The following CDC16 variants were observed in gnomAD, a reference collection of about 807,000 sequenced individuals.
CDC16 encodes the protein cell division cycle protein 16 homolog.
In CDC16, 34 loss-of-function variants were observed where a neutral mutation model predicts 87.0. The ratio of observed to expected loss-of-function variants is 0.39; its 90% CI spans 0.30 to 0.52. The LOEUF (loss-of-function observed/expected upper bound fraction) is 0.52. Ranked by LOEUF, CDC16 falls within the 20% of genes least tolerant of loss-of-function variation. The pLI, the probability that CDC16 is intolerant of heterozygous loss-of-function variation, is 0.74. For missense variants in CDC16, 653 were observed against 751.9 expected, an observed-to-expected ratio of 0.87 and a Z score of 1.54; for synonymous variants, 263 against 260.6, an observed-to-expected ratio of 1.01 and a Z score of -0.09.
chr13:114,245,946 C>T, intron 9 of CDC16, 54 bp from the exon 10 acceptor site: 2 of 943,616 alleles, frequency 2.1e-6, no homozygotes, highest in Admixed American at 4.7e-5. Flanking sequence ...GAAATCATGT[C>T]TTAAATTACA....
intron 10 of CDC16, 76 bp from the exon 11 acceptor site, chr13:114,246,855 T>C: frequency 1.1e-6 from 1 of 871,236 alleles, no homozygotes; most frequent in African/African-American, 1.6e-5. Context: ...ACCCTCTGTC[T>C]ACCCTAATTT....
At chr13:114,260,350 A>C (rs530172304) in intron 14 of CDC16, among the ~76,000 whole-genome samples, 1 of 152,322 alleles carries the variant, frequency 6.6e-6, no homozygotes, top group East Asian at 1.9e-4. Context: ...AGTTCTGGAT[A>C]ATCCAAGTGT....
chr13:114,244,892 T>G lies in CDC16; in HGVS notation c.770T>G (p.Val257Gly). The G allele has an allele frequency of 6.2e-7, 1 of 1,607,996 alleles. No homozygotes were observed. Among genetic ancestry groups the G allele is most frequent in the African/African-American group, 1.3e-5 (1 of 74,762 alleles). Reference protein sequence around the residue: ...FKMCYKLTSVVMEKDPFHASC... With the variant: ...FKMCYKLTSVGMEKDPFHASC... Reference sequence around the variant, plus strand: ...TAATGTGTCGCTTTAACTTTCAGAGTAATGGAGAAAGATCCTTTCCATGCA... The same window carrying G: ...TAATGTGTCGCTTTAACTTTCAGAGGAATGGAGAAAGATCCTTTCCATGCA... The change falls in exon 9 of 18, where the codon GTA (valine) becomes GGA (glycine). Residue 257 changes from valine (V) to glycine (G), a missense_variant and splice_region_variant. Physicochemically the swap from Val to Gly is moderately radical, Grantham distance 109 (BLOSUM62 -3). Coordinates refer to ENST00000356221, the MANE Select transcript of CDC16 (RefSeq NM_001078645.3).
At chr13:114,250,751 T>G in intron 12 of CDC16, 77 bp downstream of exon 12, 1 of 1,397,554 alleles carries the variant, frequency 7.2e-7, no homozygotes, top group Non-Finnish European at 9.9e-7. Context: ...TTACTATTAC[T>G]GCTATTTGGT....
chr13:114,268,581 A>G (rs888187191), intron 17 of CDC16, among the ~76,000 whole-genome samples: 2 of 152,180 alleles, frequency 1.3e-5, no homozygotes, highest in African/African-American at 4.8e-5. Context: ...ACTGTGACCA[A>G]TCAGAGGCTG....
At chr13:114,268,654 C>T (rs1343387033) in intron 17 of CDC16, among the ~76,000 whole-genome samples, 1 of 152,126 alleles carries the variant, frequency 6.6e-6, no homozygotes, top group Non-Finnish European at 1.5e-5. Context: ...TAAAGGCCCT[C>T]AGGGAAATGA....
Position 114,251,474 on chromosome 13 carries a change from A to G in CDC16, c.1097+800A>G, listed in dbSNP as rs17291327. Reference sequence around the variant, plus strand: ...GAAAGTTAGCTACTTGTGTTTATTTACTTGTATGCAGGGGTGGAATCATAT... The same window carrying G: ...GAAAGTTAGCTACTTGTGTTTATTTGCTTGTATGCAGGGGTGGAATCATAT... On this transcript the variant is annotated intron_variant, in intron 12 of 17. Transcript: ENST00000356221. Among the ~76,000 whole-genome samples the G allele has an allele frequency of 2.1e-3, 321 of 152,298 alleles. 3 individuals are homozygous for G. Among genetic ancestry groups the G allele is most frequent in the African/African-American group, 7.4e-3 (306 of 41,516 alleles).
chr13:114,237,729 C>T (rs927612132), intron 3 of CDC16, among the ~76,000 whole-genome samples: 6 of 152,306 alleles, frequency 3.9e-5, no homozygotes, highest in Middle Eastern at 3.4e-3. Flanking sequence ...TATTCCTCTT[C>T]CTCCCCACTC....
chr13:114,246,874 T>G, intron 10 of CDC16, 57 bp from the exon 11 acceptor site: 1 of 1,058,366 alleles, frequency 9.4e-7, no homozygotes, highest in South Asian at 1.3e-5. Flanking sequence ...TTGTTGCAGA[T>G]TCCAATTAGA....
intron 17 of CDC16, among the ~76,000 whole-genome samples, chr13:114,270,841 G>A (rs1484797028): frequency 6.6e-6 from 1 of 151,982 alleles, no homozygotes; most frequent in Non-Finnish European, 1.5e-5. Context: ...AAGTTCATAG[G>A]AAGCTAAATA....
intron 14 of CDC16, among the ~76,000 whole-genome samples, chr13:114,260,909 G>A (rs2082813672): frequency 6.6e-6 from 1 of 152,068 alleles, no homozygotes; most frequent in Non-Finnish European, 1.5e-5. Context: ...CCATGCCATA[G>A]GCTCTGAGCT....
chr13:114,261,435 G>A lies in CDC16; in HGVS notation c.1315-452G>A, dbSNP rs192950023. On this transcript the variant is annotated intron_variant, in intron 14 of 17. Transcript: ENST00000356221. ...CCAGCCCTGGTGTGCCTCATGGAAG[G>A]GTCAGAGGGGGTGGGGGTGCCATTC... 1.1e-3 allele frequency among the ~76,000 whole-genome samples: 160 copies of A among 152,140 alleles called. 1 individual carries two copies. The highest frequency in any genetic ancestry group is 3.7e-3 in the African/African-American group (155 of 41,520).
chr13:114,252,142 G>A (rs2082225257), intron 12 of CDC16, among the ~76,000 whole-genome samples: 1 of 144,376 alleles, frequency 6.9e-6, no homozygotes, highest in African/African-American at 2.6e-5. Context: ...CACTAGCCCT[G>A]TTGGATAAGA....
chr13:114,258,589 A>G (rs934721146), intron 13 of CDC16, among the ~76,000 whole-genome samples: 3 of 152,238 alleles, frequency 2.0e-5, no homozygotes, highest in African/African-American at 7.2e-5. Flanking sequence ...AGCAGGCATC[A>G]GTATTTATAG....
At chr13:114,236,106 G>C (rs1257845125) in intron 1 of CDC16, among the ~76,000 whole-genome samples, 1 of 152,128 alleles carries the variant, frequency 6.6e-6, no homozygotes, top group African/African-American at 2.4e-5. Context: ...CCTCATTGTC[G>C]GCTCCTTCAT....
Position 114,265,005 on chromosome 13 carries a change from C to A in CDC16, c.1513-145C>A. 7.9e-6 allele frequency: 5 copies of A among 636,694 alleles called. No homozygotes were observed. In the South Asian group the frequency reaches 8.8e-5, roughly 11 times the overall value. The allele number at this position is 636,694 out of a possible 1,614,324, so 39.4% of individuals were successfully genotyped here. ...CTCCATGACCCATAACCAACTTCAA[C>A]AATCTTTGGTTCATGGCCAGTCATG... On this transcript the variant is annotated intron_variant, in intron 16 of 17. Coordinates refer to ENST00000356221, the MANE Select transcript of CDC16 (RefSeq NM_001078645.3).
intron 12 of CDC16, among the ~76,000 whole-genome samples, chr13:114,251,892 G>C (rs185551557): frequency 6.6e-5 from 10 of 151,796 alleles, no homozygotes; most frequent in African/African-American, 2.2e-4. Flanking sequence ...AACCTTACAC[G>C]AACCCTATTG....
intron 13 of CDC16, among the ~76,000 whole-genome samples, chr13:114,258,767 T>C (rs1462002143): frequency 6.6e-6 from 1 of 152,178 alleles, no homozygotes; most frequent in African/African-American, 2.4e-5. Context: ...CGCGGTTCAA[T>C]ATTTGCTAAC....
At chr13:114,240,486 G>A (rs1014678627) in intron 5 of CDC16, among the ~76,000 whole-genome samples, 4 of 152,244 alleles carry the variant, frequency 2.6e-5, no homozygotes, top group South Asian at 4.1e-4. Flanking sequence ...TGGGATTACA[G>A]GTGTGAGCCA....
Sources: allele counts gnomAD v4.1 joint callset (sites outside exome capture counted in the v4.1 genomes callset), GRCh38; gene constraint gnomAD v4.1.1; transcripts MANE v1.5; gene names NCBI Gene and HGNC (gene_info 2026-07-23, HGNC 2026-07-21).